TPH2: variants seen among roughly 807,000 people sequenced by gnomAD.
TPH2 encodes the protein tryptophan 5-hydroxylase 2.
A neutral mutation model predicts 59.1 loss-of-function variants in TPH2; 27 were observed. That is an observed-to-expected ratio of 0.46 (90% CI 0.34 to 0.63). TPH2 has a LOEUF of 0.63. Ranked by LOEUF, TPH2 falls within the 30% of genes least tolerant of loss-of-function variation. The probability of loss-of-function intolerance (pLI) is 0.01; values close to 1 mark genes in which losing one functional copy is unlikely to be tolerated. For synonymous variants in TPH2, 220 were observed against 210.5 expected, an observed-to-expected ratio of 1.05 and a Z score of -0.39; for missense variants, 523 against 588.3, an observed-to-expected ratio of 0.89 and a Z score of 1.15.
At chr12:71,991,223 G>A (rs1872574061) in intron 7 of TPH2, among the ~76,000 whole-genome samples, 1 of 152,186 alleles carries the variant, frequency 6.6e-6, no homozygotes. Flanking sequence ...CGTTCTACCA[G>A]TAAGCTTTCG....
intron 5 of TPH2, among the ~76,000 whole-genome samples, chr12:71,967,135 T>C (rs1291786094): frequency 6.6e-6 from 1 of 152,222 alleles, no homozygotes; most frequent in Non-Finnish European, 1.5e-5. Flanking sequence ...AATGTGTTTG[T>C]TAAACAACTT....
chr12:72,001,258 G>A (rs886295288), intron 8 of TPH2, among the ~76,000 whole-genome samples: 2 of 152,118 alleles, frequency 1.3e-5, no homozygotes, highest in Non-Finnish European at 2.9e-5. Flanking sequence ...TCTCAGTAAT[G>A]CTGATGAGAG....
chr12:71,979,505 G>A (rs532313261), intron 7 of TPH2, among the ~76,000 whole-genome samples: 81 of 152,148 alleles, frequency 5.3e-4, no homozygotes, highest in African/African-American at 1.0e-3. Context: ...CATCTCTTTC[G>A]TCACCTCCAA....
At chr12:72,004,915 A>T (rs1377075935) in intron 8 of TPH2, among the ~76,000 whole-genome samples, 1 of 152,222 alleles carries the variant, frequency 6.6e-6, no homozygotes, top group Admixed American at 6.5e-5. Flanking sequence ...AAAATGTATT[A>T]CTGTACATTA....
chr12:71,960,208 T>C (rs1871639879), intron 5 of TPH2, among the ~76,000 whole-genome samples: 1 of 152,144 alleles, frequency 6.6e-6, no homozygotes, highest in African/African-American at 2.4e-5. Context: ...CTGAGGAAGG[T>C]CATATTAGGG....
intron 5 of TPH2, among the ~76,000 whole-genome samples, chr12:71,958,548 C>G (rs1273285252): frequency 6.6e-6 from 1 of 152,216 alleles, no homozygotes; most frequent in African/African-American, 2.4e-5. Context: ...TCCTGTGACA[C>G]TGCAAACCTG....
chr12:71,983,659 G>C (rs1872349920), intron 7 of TPH2, among the ~76,000 whole-genome samples: 1 of 152,134 alleles, frequency 6.6e-6, no homozygotes, highest in Non-Finnish European at 1.5e-5. Flanking sequence ...TAGGCAGAGA[G>C]GGTGCAGTGT....
At chr12:72,019,841 T>A (rs895487203) in intron 8 of TPH2, among the ~76,000 whole-genome samples, 2 of 152,162 alleles carry the variant, frequency 1.3e-5, no homozygotes, top group African/African-American at 4.8e-5. Flanking sequence ...ACAGAATAGA[T>A]GAATGAATGG....
intron 9 of TPH2, 97 bp downstream of exon 9, chr12:72,022,591 A>G: frequency 2.0e-6 from 2 of 979,114 alleles, no homozygotes; most frequent in South Asian, 1.3e-5. Context: ...ACTCACAGAT[A>G]CTCCATAAAT....
chr12:71,954,591 A>C (rs1566119156), intron 5 of TPH2, among the ~76,000 whole-genome samples: 1 of 152,196 alleles, frequency 6.6e-6, no homozygotes, highest in Non-Finnish European at 1.5e-5. Context: ...GTGGAGGAAG[A>C]GGAAATTATG....
chr12:71,958,592 T>C (rs1463026168), intron 5 of TPH2, among the ~76,000 whole-genome samples: 1 of 152,148 alleles, frequency 6.6e-6, no homozygotes, highest in Admixed American at 6.5e-5. Flanking sequence ...TCTGCCAGGG[T>C]CTGGCATGGC....
chr12:72,024,333 T>A (rs1184160131), intron 9 of TPH2, among the ~76,000 whole-genome samples: 1 of 152,168 alleles, frequency 6.6e-6, no homozygotes, highest in Non-Finnish European at 1.5e-5. Context: ...CCCTCAAGAT[T>A]CTAGCTGAAG....
rs559683625 is a variant in TPH2 at position 72,023,668 on chromosome 12, A to C, written c.1164+1174A>C. Among the ~76,000 whole-genome samples, 37 of 152,122 alleles carry C rather than the reference A, an allele frequency of 2.4e-4. No homozygotes were observed. The South Asian group carries it at 4.4e-3, about 18-fold the overall frequency. On this transcript the variant is annotated intron_variant, in intron 9 of 10. Transcript: ENST00000333850. ...AACATAGTGAAACTCCATTTCTACA[A>C]AAATGCAAAAATTAGCTAGGCATGA...
At chr12:72,019,998 A>T (rs1372059875) in intron 8 of TPH2, among the ~76,000 whole-genome samples, 1 of 152,202 alleles carries the variant, frequency 6.6e-6, no homozygotes, top group Non-Finnish European at 1.5e-5. Flanking sequence ...TAACTTAGAG[A>T]TCATTAATTC....
chr12:71,990,903 G>A (rs1314090351), intron 7 of TPH2, among the ~76,000 whole-genome samples: 4 of 152,156 alleles, frequency 2.6e-5, no homozygotes, highest in Non-Finnish European at 4.4e-5. Context: ...TATCTCTGAG[G>A]TTCCATTAAT....
At chr12:71,942,544 A>AC (rs1421245262) in intron 2 of TPH2, among the ~76,000 whole-genome samples, 1 of 152,186 alleles carries the variant, frequency 6.6e-6, no homozygotes, top group Non-Finnish European at 1.5e-5. Context: ...AATTGCAGTT[A>AC]GGGGGTTCAG....
chr12:71,960,150 C>A (rs1416500492), intron 5 of TPH2, among the ~76,000 whole-genome samples: 3 of 152,036 alleles, frequency 2.0e-5, no homozygotes, highest in African/African-American at 7.2e-5. Context: ...AGAACAAAAC[C>A]AAATATTTGT....
chr12:72,027,746 C>A (rs995107728), intron 9 of TPH2, among the ~76,000 whole-genome samples: 2 of 152,120 alleles, frequency 1.3e-5, no homozygotes, highest in Non-Finnish European at 2.9e-5. Context: ...TTGGTAGTAG[C>A]CGCCTCTGTG....
At chr12:71,991,169 C>A (rs1247802668) in intron 7 of TPH2, among the ~76,000 whole-genome samples, 1 of 152,198 alleles carries the variant, frequency 6.6e-6, no homozygotes, top group Non-Finnish European at 1.5e-5. Context: ...TCCTGAATGT[C>A]TTTGGATCTC....
Sources: allele counts gnomAD v4.1 joint callset (sites outside exome capture counted in the v4.1 genomes callset), GRCh38; gene constraint gnomAD v4.1.1; transcripts MANE v1.5; gene names NCBI Gene and HGNC (gene_info 2026-07-23, HGNC 2026-07-21).